TGFBRAP1: variants seen among roughly 807,000 people sequenced by gnomAD.
TGFBRAP1 encodes the protein transforming growth factor-beta receptor-associated protein 1.
In TGFBRAP1, 20 loss-of-function variants were observed where a neutral mutation model predicts 83.2. The ratio of observed to expected loss-of-function variants is 0.24; its 90% CI spans 0.17 to 0.35. The LOEUF is 0.35. Ranked by LOEUF, TGFBRAP1 falls within the 10% of genes least tolerant of loss-of-function variation. The probability of loss-of-function intolerance (pLI) is 1.00; values close to 1 mark genes in which losing one functional copy is unlikely to be tolerated. For synonymous variants in TGFBRAP1, 415 were observed against 459.8 expected (o/e 0.90, Z 1.25); for missense variants, 950 against 1,099.4 (o/e 0.86, Z 1.92).
At chr2:105,313,317 A>G (rs1241793595) in intron 1 of TGFBRAP1, among the ~76,000 whole-genome samples, 2 of 152,252 alleles carry the variant, frequency 1.3e-5, no homozygotes, top group Non-Finnish European at 2.9e-5. Flanking sequence ...AGGCTTCTAG[A>G]GGTCCCACTT....
Position 105,302,641 on chromosome 2 carries a change from C to T in TGFBRAP1, c.689-3936G>A, listed in dbSNP as rs1332213728. ...GTATTTTAAAATGAAAGAATAAACCCTAAAAATAAAGGTTACCTATGGGAG... is the reference window on the plus strand; with the variant it reads ...GTATTTTAAAATGAAAGAATAAACCTTAAAAATAAAGGTTACCTATGGGAG... On this transcript the variant is annotated intron_variant, in intron 2 of 11. Transcript: ENST00000393359. Among the ~76,000 whole-genome samples, 15 of 152,130 alleles carry T rather than the reference C, an allele frequency of 9.9e-5. No individual in the cohort carries two copies. The South Asian group carries it at 3.1e-3, about 32-fold the overall frequency.
chr2:105,278,248 T>C (rs1247515623), intron 6 of TGFBRAP1, among the ~76,000 whole-genome samples: 1 of 152,138 alleles, frequency 6.6e-6, no homozygotes, highest in Non-Finnish European at 1.5e-5. Context: ...AAGTAAACTA[T>C]GGAAAAATCA....
intron 4 of TGFBRAP1, among the ~76,000 whole-genome samples, chr2:105,285,949 T>C (rs1377063830): frequency 6.6e-6 from 1 of 152,178 alleles, no homozygotes; most frequent in African/African-American, 2.4e-5. Context: ...GCCAGTAACA[T>C]TTCTGAAAGC....
chr2:105,273,431 C>T (rs1164009572), intron 9 of TGFBRAP1, 113 bp downstream of exon 9: 34 of 1,427,596 alleles, frequency 2.4e-5, no homozygotes, highest in African/African-American at 7.1e-5. Flanking sequence ...TCAACAAGTA[C>T]GGATGGATCA....
the TGFBRAP1 span, among the ~76,000 whole-genome samples, chr2:105,251,663 A>C: frequency 6.6e-6 from 1 of 152,232 alleles, no homozygotes; most frequent in East Asian, 1.9e-4. Flanking sequence ...CTCATTGAGA[A>C]GGGGCCATGA....
At chr2:105,274,579 C>T (rs991379615) in intron 8 of TGFBRAP1, among the ~76,000 whole-genome samples, 3 of 152,346 alleles carry the variant, frequency 2.0e-5, no homozygotes, top group African/African-American at 7.2e-5. Context: ...CTGCTGTTAT[C>T]ATCCATAAGC....
At chr2:105,250,359 G>A in the TGFBRAP1 span, among the ~76,000 whole-genome samples, 2 of 152,126 alleles carry the variant, frequency 1.3e-5, no homozygotes, top group East Asian at 1.9e-4. Flanking sequence ...TTCCATCTCC[G>A]TTCTCTCTGC....
In TGFBRAP1 at chr2:105,296,365, T is replaced by C; in HGVS notation, c.1029A>G (p.Glu343=). 6.2e-7 allele frequency: 1 copy of C among 1,613,704 alleles called. No individual in the cohort carries two copies. The highest frequency in any genetic ancestry group is 8.5e-7 in the Non-Finnish European group (1 of 1,179,952). Residue 343 remains glutamate (E), a synonymous_variant, in exon 4 of 12, where the codon GAA becomes GAG. Transcript: ENST00000393359. The part of the protein sequence containing the change: ...AKGARRNIPK[E]KFQVMYRRIL... Reference sequence around the variant, plus strand: ...CCAGTTAATTACAAACCTGAAATTTTTCCTTTGGAATGTTCCTCCGGGCTC... The same window carrying C: ...CCAGTTAATTACAAACCTGAAATTTCTCCTTTGGAATGTTCCTCCGGGCTC...
intron 4 of TGFBRAP1, among the ~76,000 whole-genome samples, chr2:105,295,585 G>A (rs1168257108): frequency 6.6e-6 from 1 of 152,060 alleles, no homozygotes; most frequent in African/African-American, 2.4e-5. Context: ...GGCGGAGGCG[G>A]GTGGATCACG....
At chr2:105,300,434 C>CTTTTTTTTTT (rs769660664) in intron 2 of TGFBRAP1, among the ~76,000 whole-genome samples, 1 of 119,030 alleles carries the variant, frequency 8.4e-6, no homozygotes, top group Non-Finnish European at 1.7e-5. Flanking sequence ...GGAGTAAAAT[C>CTTTTTTTTTT]TTTTTTTTTT....
Position 105,294,980 on chromosome 2 carries a change from C to T in TGFBRAP1, c.1038+1376G>A, listed in dbSNP as rs563231743. 6.6e-4 allele frequency among the ~76,000 whole-genome samples: 101 copies of T among 152,274 alleles called. No individual in the cohort carries two copies. In the South Asian group the frequency reaches 0.018, roughly 27 times the overall value. On this transcript the variant is annotated intron_variant, in intron 4 of 11. Coordinates refer to ENST00000393359, the MANE Select transcript of TGFBRAP1 (RefSeq NM_004257.6). ...GAGGAGAAGGGGCTGAGAGCACATG[C>T]GGCAGTGGCAGGCCTGGGACTGGCG...
the TGFBRAP1 span, among the ~76,000 whole-genome samples, chr2:105,257,568 C>T: frequency 1.5e-3 from 231 of 152,238 alleles, no homozygotes; most frequent in Non-Finnish European, 2.9e-3. Flanking sequence ...CAAGATTCAT[C>T]CATATTGTAG....
chr2:105,263,235 C>T (rs1378512143), downstream of TGFBRAP1, among the ~76,000 whole-genome samples: 2 of 152,218 alleles, frequency 1.3e-5, no homozygotes, highest in Non-Finnish European at 2.9e-5. Context: ...CTCTAATATG[C>T]TAATGGGCCT....
rs928167518 is a variant in TGFBRAP1, at chr2:105,267,449, C to T, written c.2517G>A (p.Val839=). The change falls in exon 12 of 12, where the codon GTG becomes GTA. Residue 839 remains valine, a synonymous_variant. Coordinates refer to ENST00000393359, the MANE Select transcript of TGFBRAP1 (RefSeq NM_004257.6). The part of the protein sequence containing the change: ...VFVRYPNGGL[V]HTHCAASRHT... Reference sequence around the variant, plus strand: ...GTCTGCTGGCGGCACAGTGGGTGTGCACAAGACCACCATTTGGGTATCTAA... The same window carrying T: ...GTCTGCTGGCGGCACAGTGGGTGTGTACAAGACCACCATTTGGGTATCTAA... 2.1e-5 allele frequency: 34 copies of T among 1,614,164 alleles called. No homozygotes were observed. The highest frequency in any genetic ancestry group is 2.9e-5 in the Non-Finnish European group (34 of 1,180,040).
In TGFBRAP1 at chr2:105,266,140, T is replaced by A. The variant is rs1037127493; in HGVS notation, c.*1243A>T. On this transcript the variant is annotated 3_prime_UTR_variant, in exon 12 of 12. Transcript: ENST00000393359. ...ATGTTATACAGAAACACAAAAGGAA[T>A]CCCCGGCCTGTGATGAAGGAGAGGC... is the stretch of plus-strand genomic sequence containing the variant. The A allele has an allele frequency of 6.6e-6, 1 of 152,146 alleles. No individual in the cohort carries two copies. Among genetic ancestry groups the A allele is most frequent in the Non-Finnish European group, 1.5e-5 (1 of 68,030 alleles). 9.4% of individuals were successfully genotyped at this position (152,146 alleles called of 1,614,324 possible). A position where few individuals can be genotyped will look rare whatever the true frequency, so the allele number is the denominator to read the frequency against.
intron 8 of TGFBRAP1, among the ~76,000 whole-genome samples, chr2:105,274,486 T>C (rs1334461725): frequency 5.9e-5 from 9 of 152,232 alleles, no homozygotes. Context: ...CTCAGTTTCC[T>C]CATCTGTAGC....
rs1282877211 is a variant in TGFBRAP1, at chr2:105,272,954, C to G, written c.1873G>C (p.Ala625Pro). 2 of 1,613,348 alleles carry G rather than the reference C, an allele frequency of 1.2e-6. No homozygotes were observed. Among genetic ancestry groups the G allele is most frequent in the Non-Finnish European group, 1.7e-6 (2 of 1,180,030 alleles). ...TCTGCACCCTTGCCACTGGCGGAGG[C>G]CCTCTGCAGCAGCACCTCTTCCAGG... is the stretch of plus-strand genomic sequence containing the variant. The part of the protein sequence containing the change: ...LYLEEVLLQR[A>P]SASGKGAEAT... The change falls in exon 10 of 12, where the codon GCC (alanine) becomes CCC (proline). Residue 625 changes from alanine to proline, a missense_variant. Physicochemically the swap from Ala to Pro is conservative, Grantham distance 27 (BLOSUM62 -1). Transcript: ENST00000393359.
Position 105,280,311 on chromosome 2 carries a change from C to A in TGFBRAP1, c.1463+71G>T, listed in dbSNP as rs1446552073. On this transcript the variant is annotated intron_variant, in intron 6 of 11. Transcript: ENST00000393359. The stretch of plus-strand genomic sequence containing the variant: ...ACTGGCTAAGTCACTTCACGAGGAT[C>A]TCCCCAGCAAAGAGCCTCAGTAAGG... 5.3e-6 allele frequency: 8 copies of A among 1,499,854 alleles called. No homozygotes were observed. In the East Asian group the frequency reaches 9.2e-5, roughly 17 times the overall value. The allele number at this position is 1,499,854 out of a possible 1,614,324, so 92.9% of individuals were successfully genotyped here. A position where few individuals can be genotyped will look rare whatever the true frequency, so the allele number is the denominator to read the frequency against.
intron 1 of TGFBRAP1, among the ~76,000 whole-genome samples, chr2:105,315,962 AC>A (rs766230782): frequency 2.0e-5 from 3 of 152,082 alleles, no homozygotes; most frequent in African/African-American, 4.8e-5. Flanking sequence ...TTCCCCACTT[AC>A]CCCCATTTAA....
Sources: gnomAD v4.1 joint callset for allele counts (sites outside exome capture counted in the v4.1 genomes callset) on GRCh38, gnomAD v4.1.1 for gene constraint, MANE v1.5 for transcripts, NCBI Gene and HGNC (gene_info 2026-07-23, HGNC 2026-07-21) for gene names.